Variants in KIAA1958 observed in about 807,000 individuals in gnomAD.
KIAA1958 encodes the protein uncharacterized protein KIAA1958.
Under a neutral mutation model 47.2 loss-of-function variants are expected in KIAA1958, and 14 were observed. That is an observed-to-expected ratio of 0.30 (90% CI 0.20 to 0.46). The LOEUF is 0.46. KIAA1958 is among the 20% of genes least tolerant of loss of function. The pLI is 1.00. For missense variants in KIAA1958, 803 were observed against 909.2 expected (o/e 0.88, Z 1.50); for synonymous variants, 354 against 353.3 (o/e 1.00, Z -0.02).
chr9:112,598,800 G>A (rs1393592973), intron 2 of KIAA1958, among the ~76,000 whole-genome samples: 1 of 152,158 alleles, frequency 6.6e-6, no homozygotes, highest in African/African-American at 2.4e-5. Context: ...GCCAAGCATG[G>A]TGGCTCACAC....
Sources: gnomAD v4.1 joint callset for allele counts (sites outside exome capture counted in the v4.1 genomes callset) on GRCh38, gnomAD v4.1.1 for gene constraint, MANE v1.5 for transcripts, NCBI Gene and HGNC (gene_info 2026-07-23, HGNC 2026-07-21) for gene names.